Variants in GPHN observed in about 807,000 individuals in gnomAD.
GPHN encodes the protein gephyrin.
A neutral mutation model predicts 95.5 loss-of-function variants in GPHN; 17 were observed. That is an observed-to-expected ratio of 0.18 (90% CI 0.12 to 0.27). GPHN has a LOEUF of 0.27. Ranked by LOEUF, GPHN falls within the 10% of genes least tolerant of loss-of-function variation. The pLI is 1.00. For missense variants in GPHN, 660 were observed against 978.1 expected (o/e 0.67, Z 4.34); for synonymous variants, 320 against 322.5 (o/e 0.99, Z 0.08).
chr14:67,151,758 C>T (rs1225208766), intron 18 of GPHN, among the ~76,000 whole-genome samples: 1 of 152,200 alleles, frequency 6.6e-6, no homozygotes, highest in African/African-American at 2.4e-5. Context: ...ATTCTTATGC[C>T]TCAGCCCCAC....
the GPHN span, among the ~76,000 whole-genome samples, chr14:67,216,872 G>T: frequency 6.6e-6 from 1 of 152,150 alleles, no homozygotes; most frequent in Non-Finnish European, 1.5e-5. Flanking sequence ...CTGATGAAAA[G>T]AATGTGTACT....
rs2079053245 is a variant in GPHN at position 67,122,240 on chromosome 14, T to G, written c.1627-16T>G. On this transcript the variant is annotated splice_polypyrimidine_tract_variant and intron_variant, in intron 16 of 22. Coordinates refer to ENST00000478722, the MANE Select transcript of GPHN (RefSeq NM_020806.5). ...AACCTAATAGAATAATTTGTGGTGG[T>G]TTTTTGGCTTTGTAGCTGCTAAATC... The G allele has an allele frequency of 1.2e-6, 2 of 1,612,158 alleles. No homozygotes were observed. Among genetic ancestry groups the G allele is most frequent in the Admixed American group, 3.3e-5 (2 of 59,970 alleles).
the GPHN span, among the ~76,000 whole-genome samples, chr14:67,594,994 G>A: frequency 2.6e-5 from 4 of 151,986 alleles, no homozygotes; most frequent in Non-Finnish European, 5.9e-5. Flanking sequence ...AAAGTTAGCC[G>A]GGCGTAGTGG....
the GPHN span, chr14:67,301,359 G>C: frequency 5.2e-5 from 80 of 1,528,444 alleles, no homozygotes; most frequent in African/African-American, 1.0e-3. Flanking sequence ...CTATAATCTA[G>C]GAAGAATAAT....
At chr14:67,686,983 C>T in the GPHN span, among the ~76,000 whole-genome samples, 1 of 152,168 alleles carries the variant, frequency 6.6e-6, no homozygotes, top group Non-Finnish European at 1.5e-5. Flanking sequence ...AATGCAGACT[C>T]AGAGGTCCCA....
chr14:66,921,958 G>T (rs1363932839), intron 6 of GPHN, among the ~76,000 whole-genome samples: 1 of 152,016 alleles, frequency 6.6e-6, no homozygotes, highest in Admixed American at 6.6e-5. Context: ...CATAAAGTAG[G>T]AAAAGGACAC....
chr14:66,603,315 T>G (rs2140863074), intron 1 of GPHN, among the ~76,000 whole-genome samples: 1 of 152,046 alleles, frequency 6.6e-6, no homozygotes, highest in South Asian at 2.1e-4. Context: ...TTTCAGGGTT[T>G]TTTTGTGTGT....
At chr14:67,469,594 C>A in the GPHN span, among the ~76,000 whole-genome samples, 1 of 151,684 alleles carries the variant, frequency 6.6e-6, no homozygotes, top group Admixed American at 6.6e-5. Flanking sequence ...CCTGACTGAG[C>A]AACTTCTGAA....
the GPHN span, among the ~76,000 whole-genome samples, chr14:67,679,325 A>G: frequency 6.6e-6 from 1 of 152,286 alleles, no homozygotes; most frequent in African/African-American, 2.4e-5. Flanking sequence ...AGTTTCCAAC[A>G]TATGAACCTT....
chr14:67,580,847 C>A, the GPHN span: 3 of 804,124 alleles, frequency 3.7e-6, no homozygotes, highest in Non-Finnish European at 6.3e-6. Flanking sequence ...GTTTTCTTTG[C>A]TCTTCTGCTC....
chr14:66,899,312 T>C (rs2065018104), intron 5 of GPHN, among the ~76,000 whole-genome samples: 1 of 151,922 alleles, frequency 6.6e-6, no homozygotes, highest in Admixed American at 6.6e-5. Flanking sequence ...TGAATAGCCA[T>C]GGTGAAAATG....
At chr14:67,300,336 C>CTTTTTTTTTTTTTTTT in the GPHN span, among the ~76,000 whole-genome samples, 7,526 of 136,576 alleles carry the variant, frequency 0.055, 522 homozygotes, top group African/African-American at 0.13. Flanking sequence ...TATGAATTAC[C>CTTTTTTTTTTTTTTTT]TTTTTTTTTT....
At chr14:67,285,430 GAT>G in the GPHN span, among the ~76,000 whole-genome samples, 1 of 149,712 alleles carries the variant, frequency 6.7e-6, no homozygotes, top group South Asian at 2.1e-4. Flanking sequence ...GCAGTGGCGC[GAT>G]CTCGGCTCAC....
At chr14:67,199,673 G>A in the GPHN span, 3 of 1,581,552 alleles carry the variant, frequency 1.9e-6, no homozygotes, top group Non-Finnish European at 2.6e-6. Context: ...CTCCCAGCCT[G>A]ACCGCCCTCA....
At chr14:67,723,603 T>C in the GPHN span, among the ~76,000 whole-genome samples, 1 of 152,200 alleles carries the variant, frequency 6.6e-6, no homozygotes, top group Non-Finnish European at 1.5e-5. Context: ...AGGTTCTCCA[T>C]AGAGATCTGG....
At chr14:67,632,775 C>A in the GPHN span, among the ~76,000 whole-genome samples, 1 of 94,884 alleles carries the variant, frequency 1.1e-5, no homozygotes, top group African/African-American at 4.0e-5. Context: ...AGGTCTCTTT[C>A]TTTATTTTCA....
intron 13 of GPHN, among the ~76,000 whole-genome samples, chr14:67,109,792 C>T (rs1316447756): frequency 6.6e-6 from 1 of 151,986 alleles, no homozygotes; most frequent in African/African-American, 2.4e-5. Context: ...AATTTTTTTA[C>T]TTACAGACTC....
chr14:66,623,641 A>C (rs533730225), intron 1 of GPHN, among the ~76,000 whole-genome samples: 1 of 148,926 alleles, frequency 6.7e-6, no homozygotes, highest in African/African-American at 2.5e-5. Flanking sequence ...AAAAAAAAGC[A>C]AAGTCATGCT....
chr14:66,560,667 T>A (rs1156990821), intron 1 of GPHN, among the ~76,000 whole-genome samples: 1 of 152,230 alleles, frequency 6.6e-6, no homozygotes, highest in African/African-American at 2.4e-5. Context: ...TTTCTAGATA[T>A]GCGATCATGT....
Sources: gnomAD v4.1 joint callset for allele counts (sites outside exome capture counted in the v4.1 genomes callset) on GRCh38, gnomAD v4.1.1 for gene constraint, MANE v1.5 for transcripts, NCBI Gene and HGNC (gene_info 2026-07-23, HGNC 2026-07-21) for gene names.